ARHGEF28: variants seen among roughly 807,000 people sequenced by gnomAD.
The protein encoded by ARHGEF28 is Rho guanine nucleotide exchange factor 28.
ARHGEF28 carries 152 observed loss-of-function variants against 206.6 expected under a neutral mutation model. That is an observed-to-expected ratio of 0.74 (90% CI 0.64 to 0.84). The LOEUF is 0.84. ARHGEF28 is among the 40% of genes least tolerant of loss of function. ARHGEF28 has a pLI of 0.00. For missense variants in ARHGEF28, 2,028 were observed against 2,073.2 expected (o/e 0.98, Z 0.42); for synonymous variants, 763 against 776.4 (o/e 0.98, Z 0.29).
intron 9 of ARHGEF28, among the ~76,000 whole-genome samples, chr5:73,815,139 G>A (rs916295669): frequency 2.6e-5 from 4 of 151,508 alleles, no homozygotes; most frequent in East Asian, 1.9e-4. Flanking sequence ...GGATACAGTC[G>A]TATATTAAAA....
At chr5:73,635,576 T>C (rs1040987619) in intron 1 of ARHGEF28, among the ~76,000 whole-genome samples, 1 of 152,180 alleles carries the variant, frequency 6.6e-6, no homozygotes, top group African/African-American at 2.4e-5. Flanking sequence ...TTGGTGGAGA[T>C]GGAATTTGGA....
At chr5:73,872,349 G>T (rs949418437) in intron 21 of ARHGEF28, among the ~76,000 whole-genome samples, 1 of 151,690 alleles carries the variant, frequency 6.6e-6, no homozygotes, top group Non-Finnish European at 1.5e-5. Flanking sequence ...TATTTATATT[G>T]TTGAGTTATA....
intron 9 of ARHGEF28, among the ~76,000 whole-genome samples, chr5:73,804,562 T>C (rs73118546): frequency 0.062 from 9,454 of 152,272 alleles, 666 homozygotes; most frequent in African/African-American, 0.16. Context: ...AGAACAGTTA[T>C]AGGCTTACAT....
Position 73,774,050 on chromosome 5 carries a change from T to C in ARHGEF28, c.659+12T>C. The C allele has an allele frequency of 3.2e-6, 5 of 1,567,204 alleles. No individual in the cohort carries two copies. Among genetic ancestry groups the C allele is most frequent in the Non-Finnish European group, 3.5e-6 (4 of 1,155,036 alleles). ...GAAGACGTCACAAAGTGAGTTTAGC[T>C]ACTTGATAGTCTCTCTCTTATTTGT... On this transcript the variant is annotated intron_variant, in intron 5 of 35. Transcript: ENST00000513042.
intron 11 of ARHGEF28, among the ~76,000 whole-genome samples, chr5:73,841,727 A>AG (rs951360154): frequency 6.6e-5 from 10 of 150,526 alleles, no homozygotes; most frequent in Non-Finnish European, 1.0e-4. Context: ...AAAAAAAAAA[A>AG]AGAGAGAAAA....
intron 1 of ARHGEF28, among the ~76,000 whole-genome samples, chr5:73,650,398 C>T (rs1744734264): frequency 6.7e-6 from 1 of 149,432 alleles, no homozygotes; most frequent in African/African-American, 2.5e-5. Context: ...GATTCTCCCT[C>T]TTCAGCCTCC....
chr5:73,773,441 G>A (rs376254700), intron 4 of ARHGEF28, among the ~76,000 whole-genome samples: 2 of 152,292 alleles, frequency 1.3e-5, no homozygotes, highest in South Asian at 4.1e-4. Flanking sequence ...TCCCTCTACA[G>A]TCTCAGCCTC....
intron 4 of ARHGEF28, among the ~76,000 whole-genome samples, chr5:73,754,884 T>G (rs1363403273): frequency 7.4e-6 from 1 of 134,544 alleles, no homozygotes; most frequent in East Asian, 2.0e-4. Flanking sequence ...ATTTTTATTT[T>G]TATTTTATTT....
intron 2 of ARHGEF28, among the ~76,000 whole-genome samples, chr5:73,694,735 C>T (rs1748078131): frequency 6.6e-6 from 1 of 152,216 alleles, no homozygotes; most frequent in Non-Finnish European, 1.5e-5. Flanking sequence ...CTCTCCATAT[C>T]TTGATGCTGT....
In ARHGEF28 at chr5:73,783,207, A is replaced by G. The variant is rs1277504030; in HGVS notation, c.910+2462A>G. Among the ~76,000 whole-genome samples the G allele has an allele frequency of 5.3e-5, 8 of 152,220 alleles. 1 individual carries two copies. Among genetic ancestry groups the G allele is most frequent in the Admixed American group, 5.2e-4 (8 of 15,282 alleles). On this transcript the variant is annotated intron_variant, in intron 7 of 35. Transcript: ENST00000513042. ...ATGCTGTAGACTGTGACAGTGGAGC[A>G]GTCAGGGAAAGCTTCCTGGAAGAAG... is the stretch of plus-strand genomic sequence containing the variant.
Position 73,785,810 on chromosome 5 carries a change from G to A in ARHGEF28, c.910+5065G>A, listed in dbSNP as rs570647587. On this transcript the variant is annotated intron_variant, in intron 7 of 35. Transcript: ENST00000513042. ...CAAGGAAATAGGGATTGGAACATGT[G>A]TTACAATCACCAAGAAGAGAGGGCA... 1.2e-4 allele frequency among the ~76,000 whole-genome samples: 18 copies of A among 152,198 alleles called. No homozygotes were observed. The South Asian group carries it at 3.7e-3, about 32-fold the overall frequency.
chr5:73,642,098 G>A (rs557496620), intron 1 of ARHGEF28, among the ~76,000 whole-genome samples: 1 of 152,300 alleles, frequency 6.6e-6, no homozygotes, highest in South Asian at 2.1e-4. Context: ...GGCTTGGAGC[G>A]GGGGAATCCT....
chr5:73,791,451 G>A (rs1754478693), intron 7 of ARHGEF28, among the ~76,000 whole-genome samples: 1 of 152,210 alleles, frequency 6.6e-6, no homozygotes, highest in Non-Finnish European at 1.5e-5. Context: ...GTAAGCCAGT[G>A]GTGGACTTGG....
chr5:73,808,253 G>C (rs1255467174), intron 9 of ARHGEF28, among the ~76,000 whole-genome samples: 3 of 152,082 alleles, frequency 2.0e-5, no homozygotes, highest in Non-Finnish European at 4.4e-5. Flanking sequence ...AAGTGCTGGG[G>C]GTTGGGGGAG....
At position 73,806,734 on chromosome 5, in the gene ARHGEF28, C is replaced by T. The variant is rs1755515581; in HGVS notation, c.1024+11343C>T. Reference sequence around the variant, plus strand: ...CATATATACGATATATCGTATACATCTATATGTACCATATATACGATATAT... The same window carrying T: ...CATATATACGATATATCGTATACATTTATATGTACCATATATACGATATAT... On this transcript the variant is annotated intron_variant, in intron 9 of 35. Coordinates refer to ENST00000513042, the MANE Select transcript of ARHGEF28 (RefSeq NM_001177693.2). Among the ~76,000 whole-genome samples, 2 of 143,834 alleles carry T rather than the reference C, an allele frequency of 1.4e-5. 1 individual carries two copies. The highest frequency in any genetic ancestry group is 3.0e-5 in the Non-Finnish European group (2 of 66,090). The allele number at this position is 143,834 out of a possible 152,430, so 94.4% of individuals were successfully genotyped here.
intron 2 of ARHGEF28, among the ~76,000 whole-genome samples, chr5:73,691,174 C>T (rs935152324): frequency 1.3e-5 from 2 of 152,126 alleles, no homozygotes; most frequent in Non-Finnish European, 1.5e-5. Flanking sequence ...AAGAGATCCA[C>T]CCACCTTGGA....
At chr5:73,650,032 C>T (rs762060989) in intron 1 of ARHGEF28, among the ~76,000 whole-genome samples, 8 of 152,128 alleles carry the variant, frequency 5.3e-5, no homozygotes, top group Non-Finnish European at 1.2e-4. Flanking sequence ...AAGTGTAATC[C>T]CACTGCCAGG....
At chr5:73,846,225 T>C in intron 11 of ARHGEF28, 43 bp from the exon 12 acceptor site, 1 of 1,580,252 alleles carries the variant, frequency 6.3e-7, no homozygotes, top group Non-Finnish European at 8.7e-7. Flanking sequence ...ACGCTCTGTG[T>C]CCTTCCTTGC....
chr5:73,805,496 A>G (rs1347865803), intron 9 of ARHGEF28, among the ~76,000 whole-genome samples: 1 of 152,216 alleles, frequency 6.6e-6, no homozygotes, highest in Non-Finnish European at 1.5e-5. Context: ...AAACTACAAT[A>G]ACCACTGTCC....
Sources: gnomAD v4.1 joint callset for allele counts (sites outside exome capture counted in the v4.1 genomes callset) on GRCh38, gnomAD v4.1.1 for gene constraint, MANE v1.5 for transcripts, NCBI Gene and HGNC (gene_info 2026-07-23, HGNC 2026-07-21) for gene names.